LPP: variants seen among roughly 807,000 people sequenced by gnomAD.
LPP encodes the protein lipoma-preferred partner.
In LPP, 38 loss-of-function variants were observed where a neutral mutation model predicts 60.4. The observed-to-expected ratio is 0.63, with a 90% CI of 0.49 to 0.83. The LOEUF (loss-of-function observed/expected upper bound fraction) is 0.83, where lower values mean the gene tolerates loss of function less well. LPP is among the 40% of genes least tolerant of loss of function. The probability of loss-of-function intolerance (pLI) is 0.00; values close to 1 mark genes in which losing one functional copy is unlikely to be tolerated. For synonymous variants in LPP, 328 were observed against 290.8 expected, an observed-to-expected ratio of 1.13 and a Z score of -1.30; for missense variants, 902 against 783.6, an observed-to-expected ratio of 1.15 and a Z score of -1.80.
At chr3:188,314,022 A>AT (rs925449893) in intron 2 of LPP, among the ~76,000 whole-genome samples, 2 of 152,012 alleles carry the variant, frequency 1.3e-5, no homozygotes, top group African/African-American at 4.8e-5. Flanking sequence ...TTTTAGATAA[A>AT]TTTTTTTTGA....
chr3:188,284,092 T>A (rs545450048), intron 2 of LPP, among the ~76,000 whole-genome samples: 1 of 152,200 alleles, frequency 6.6e-6, no homozygotes, highest in East Asian at 2.0e-4. Flanking sequence ...GTTTATATCC[T>A]TCTAAAATCA....
intron 4 of LPP, among the ~76,000 whole-genome samples, chr3:188,456,622 C>A (rs1194131807): frequency 1.3e-5 from 2 of 152,160 alleles, no homozygotes; most frequent in African/African-American, 4.8e-5. Flanking sequence ...GAAAATATTT[C>A]CAAGAAGGAT....
chr3:188,805,602 C>T (rs1323214081), intron 9 of LPP, among the ~76,000 whole-genome samples: 1 of 151,514 alleles, frequency 6.6e-6, no homozygotes, highest in East Asian at 1.9e-4. Context: ...ATTATATTGA[C>T]TTCTGCTCTT....
At chr3:188,326,938 A>T (rs1033799263) in intron 2 of LPP, among the ~76,000 whole-genome samples, 2 of 152,196 alleles carry the variant, frequency 1.3e-5, no homozygotes, top group Non-Finnish European at 2.9e-5. Context: ...TGAAGTAAAG[A>T]GACACAATGA....
chr3:188,593,056 T>C (rs1011265827), intron 6 of LPP, among the ~76,000 whole-genome samples: 4 of 152,148 alleles, frequency 2.6e-5, no homozygotes, highest in African/African-American at 2.4e-5. Context: ...GAAAAGTGTA[T>C]GTTTTTCTGA....
intron 2 of LPP, among the ~76,000 whole-genome samples, chr3:188,282,704 G>C (rs1458533302): frequency 6.6e-6 from 1 of 152,088 alleles, no homozygotes; most frequent in Admixed American, 6.6e-5. Flanking sequence ...GTGCCACCCT[G>C]CTGGCTACCT....
chr3:188,238,781 G>A (rs942961364), intron 2 of LPP, among the ~76,000 whole-genome samples: 11 of 152,130 alleles, frequency 7.2e-5, no homozygotes, highest in African/African-American at 2.7e-4. Flanking sequence ...TTGAAACATT[G>A]TGATAGTTAC....
At chr3:188,744,539 G>C (rs185758103) in intron 8 of LPP, among the ~76,000 whole-genome samples, 84 of 152,194 alleles carry the variant, frequency 5.5e-4, no homozygotes, top group African/African-American at 1.9e-3. Flanking sequence ...GTGCTATCTT[G>C]GACAAGTTAT....
chr3:188,169,928 G>A (rs187959759), intron 1 of LPP, among the ~76,000 whole-genome samples: 13 of 152,330 alleles, frequency 8.5e-5, no homozygotes, highest in Admixed American at 2.6e-4. Flanking sequence ...GGAGTGGAGG[G>A]TATGTAACCA....
At chr3:188,462,126 C>T (rs1799091852) in intron 4 of LPP, among the ~76,000 whole-genome samples, 1 of 152,044 alleles carries the variant, frequency 6.6e-6, no homozygotes, top group Non-Finnish European at 1.5e-5. Context: ...CACTTCCTTT[C>T]ACGTTTGTAA....
chr3:188,760,898 A>G (rs1732093851), intron 9 of LPP, among the ~76,000 whole-genome samples: 1 of 152,206 alleles, frequency 6.6e-6, no homozygotes, highest in Non-Finnish European at 1.5e-5. Flanking sequence ...TTTATTACAG[A>G]ACACAAAAAC....
intron 2 of LPP, among the ~76,000 whole-genome samples, chr3:188,270,472 G>A (rs1737363285): frequency 6.6e-6 from 1 of 152,130 alleles, no homozygotes; most frequent in African/African-American, 2.4e-5. Context: ...TTGCATTTCA[G>A]TAAATGTTTC....
chr3:188,235,100 G>A (rs1721414090), intron 2 of LPP, among the ~76,000 whole-genome samples: 1 of 152,126 alleles, frequency 6.6e-6, no homozygotes, highest in Non-Finnish European at 1.5e-5. Context: ...GAACCCTAGA[G>A]GAATGAAGAA....
intron 9 of LPP, among the ~76,000 whole-genome samples, chr3:188,837,598 T>A (rs1316571883): frequency 6.6e-6 from 1 of 152,066 alleles, no homozygotes; most frequent in Non-Finnish European, 1.5e-5. Context: ...ACCTTGCTTG[T>A]ATCTTTTCAT....
chr3:188,479,085 T>G (rs952995470), intron 4 of LPP, among the ~76,000 whole-genome samples: 1 of 152,118 alleles, frequency 6.6e-6, no homozygotes, highest in African/African-American at 2.4e-5. Flanking sequence ...ATAACCGTCT[T>G]TACTTGAAAC....
intron 4 of LPP, among the ~76,000 whole-genome samples, chr3:188,410,689 A>G (rs983312380): frequency 1.3e-5 from 2 of 152,140 alleles, no homozygotes; most frequent in Non-Finnish European, 2.9e-5. Flanking sequence ...TCTGTGTTCA[A>G]TGCTTTGTGC....
At chr3:188,565,524 A>T (rs916943770) in intron 6 of LPP, among the ~76,000 whole-genome samples, 1 of 152,000 alleles carries the variant, frequency 6.6e-6, no homozygotes, top group South Asian at 2.1e-4. Flanking sequence ...CAAAACTAAC[A>T]TAGTAATGAG....
At chr3:188,311,588 C>T (rs956023830) in intron 2 of LPP, among the ~76,000 whole-genome samples, 2 of 152,162 alleles carry the variant, frequency 1.3e-5, no homozygotes, top group African/African-American at 4.8e-5. Flanking sequence ...ATCTGGCTTC[C>T]CTGCCCTGAA....
intron 9 of LPP, among the ~76,000 whole-genome samples, chr3:188,812,705 T>C (rs1751343909): frequency 1.3e-5 from 2 of 152,120 alleles, no homozygotes; most frequent in Non-Finnish European, 2.9e-5. Flanking sequence ...ATGACATTTT[T>C]CCCTCATTCC....
Sources: gnomAD v4.1 joint callset for allele counts (sites outside exome capture counted in the v4.1 genomes callset) on GRCh38, gnomAD v4.1.1 for gene constraint, MANE v1.5 for transcripts, NCBI Gene and HGNC (gene_info 2026-07-23, HGNC 2026-07-21) for gene names.